KLHL24: variants seen among roughly 807,000 people sequenced by gnomAD.
KLHL24 encodes the protein kelch-like protein 24.
A neutral mutation model predicts 53.4 loss-of-function variants in KLHL24; 29 were observed. The ratio of observed to expected loss-of-function variants is 0.54; its 90% CI spans 0.40 to 0.74. KLHL24 has a LOEUF of 0.74. Ranked by LOEUF, KLHL24 falls within the 30% of genes least tolerant of loss-of-function variation. The pLI, the probability that KLHL24 is intolerant of heterozygous loss-of-function variation, is 0.00. For synonymous variants in KLHL24, 222 were observed against 253.7 expected (o/e 0.88, Z 1.19); for missense variants, 504 against 744.0 (o/e 0.68, Z 3.75).
rs1419557868 is a variant in KLHL24, at chr3:183,681,749, A to G, written c.*2463A>G. On this transcript the variant is annotated 3_prime_UTR_variant, in exon 8 of 8. Transcript: ENST00000242810. ...TTGATAAATAATAGCATTAGACTTG[A>G]TAAAATAAAAAAGAATTTTAGAGTA... 5.2e-5 allele frequency: 8 copies of G among 152,434 alleles called. No homozygotes were observed. The South Asian group carries it at 1.7e-3, about 32-fold the overall frequency. 9.4% of individuals were successfully genotyped at this position (152,434 alleles called of 1,614,324 possible).
At chr3:183,646,210 A>G (rs1018356043) in intron 2 of KLHL24, among the ~76,000 whole-genome samples, 1 of 151,936 alleles carries the variant, frequency 6.6e-6, no homozygotes, top group Non-Finnish European at 1.5e-5. Context: ...AAAAGTACAA[A>G]AATTAGCCCG....
chr3:183,670,020 GATGGCTTGAGAGTGGGAGA>G (rs1376540623), intron 5 of KLHL24, among the ~76,000 whole-genome samples: 2 of 152,184 alleles, frequency 1.3e-5, no homozygotes. Flanking sequence ...GAGGCAGGAG[GATGGCTTGAGAGTGGGAGA>G]ATGGCTTGAG....
intron 5 of KLHL24, among the ~76,000 whole-genome samples, chr3:183,665,546 C>G (rs748149545): frequency 1.3e-5 from 2 of 152,062 alleles, no homozygotes; most frequent in African/African-American, 4.8e-5. Flanking sequence ...GTCAGGAGAT[C>G]GAGACCATCC....
chr3:183,680,721 A>G lies in KLHL24; in HGVS notation c.*1435A>G, dbSNP rs180817186. 2.0e-5 allele frequency: 3 copies of G among 152,348 alleles called. No homozygotes were observed. Among genetic ancestry groups the G allele is most frequent in the East Asian group, 3.9e-4 (2 of 5,184 alleles). 9.4% of individuals were successfully genotyped at this position (152,348 alleles called of 1,614,324 possible). A position where few individuals can be genotyped will look rare whatever the true frequency, so the allele number is the denominator to read the frequency against. On this transcript the variant is annotated 3_prime_UTR_variant, in exon 8 of 8. Transcript: ENST00000242810. Reference sequence around the variant, plus strand: ...CAAATAAATGGATATGGCAGGAACTACAGCATAAGTGATTATTGTGATTCT... The same window carrying G: ...CAAATAAATGGATATGGCAGGAACTGCAGCATAAGTGATTATTGTGATTCT...
chr3:183,671,147 T>C lies in KLHL24; in HGVS notation c.1338T>C (p.Ser446=). The change falls in exon 6 of 8, where the codon TCT becomes TCC. Residue 446 remains serine (S), a synonymous_variant. Coordinates refer to ENST00000242810, the MANE Select transcript of KLHL24 (RefSeq NM_017644.3). The part of the protein sequence containing the change: ...EVAPLKEAVS[S]PAVTSCVGKL... ...CTCCCCTTAAGGAAGCCGTGAGTTC[T>C]CCTGCAGTGACTAGCTGTGTAGGCA... 1 of 1,614,152 alleles carries C rather than the reference T, an allele frequency of 6.2e-7. No homozygotes were observed. Among genetic ancestry groups the C allele is most frequent in the Non-Finnish European group, 8.5e-7 (1 of 1,180,004 alleles).
At chr3:183,643,312 ATTTACT>A (rs1232417978) in intron 1 of KLHL24, 162 bp from the exon 2 acceptor site, 1 of 152,232 alleles carries the variant, frequency 6.6e-6, no homozygotes, top group Non-Finnish European at 1.5e-5. Context: ...TAAGTTATTA[ATTTACT>A]TTAAGGAGAT....
chr3:183,637,842 A>G (rs1167902795), intron 1 of KLHL24, among the ~76,000 whole-genome samples: 1 of 152,190 alleles, frequency 6.6e-6, no homozygotes, highest in African/African-American at 2.4e-5. Context: ...TATGTTTAGT[A>G]GGGACGGGGT....
At chr3:183,649,535 A>C (rs901942037) in intron 2 of KLHL24, among the ~76,000 whole-genome samples, 1 of 152,120 alleles carries the variant, frequency 6.6e-6, no homozygotes, top group African/African-American at 2.4e-5. Flanking sequence ...AAAAAAAAAA[A>C]AGGACTTGCT....
rs1257288683 is a variant in KLHL24, at chr3:183,680,755, G to A, written c.*1469G>A. ...GTGATTATTGTGATTCTGGGTGGAC[G>A]GATATAATTTACAACATTTAGGGAT... On this transcript the variant is annotated 3_prime_UTR_variant, in exon 8 of 8. Coordinates refer to ENST00000242810, the MANE Select transcript of KLHL24 (RefSeq NM_017644.3). 6.6e-6 allele frequency: 1 copy of A among 152,018 alleles called. No individual in the cohort carries two copies. The highest frequency in any genetic ancestry group is 1.5e-5 in the Non-Finnish European group (1 of 67,992). The allele number at this position is 152,018 out of a possible 1,614,324, so 9.4% of individuals were successfully genotyped here. A position where few individuals can be genotyped will look rare whatever the true frequency, so the allele number is the denominator to read the frequency against.
At chr3:183,641,633 C>T (rs1308036850) in intron 1 of KLHL24, among the ~76,000 whole-genome samples, 5 of 152,030 alleles carry the variant, frequency 3.3e-5, no homozygotes, top group East Asian at 3.9e-4. Flanking sequence ...AATGGAGTAG[C>T]GTAGAACATA....
chr3:183,676,027 G>T (rs531725167), intron 7 of KLHL24, among the ~76,000 whole-genome samples: 1 of 152,116 alleles, frequency 6.6e-6, no homozygotes, highest in Non-Finnish European at 1.5e-5. Flanking sequence ...TAAACATTTG[G>T]ATCAGAAGTA....
Position 183,680,119 on chromosome 3 carries a change from ATTG to A in KLHL24, c.*836_*838del, listed in dbSNP as rs758762800. 5 of 152,152 alleles carry A rather than the reference ATTG, an allele frequency of 3.3e-5. No individual in the cohort carries two copies. Among genetic ancestry groups the A allele is most frequent in the Non-Finnish European group, 5.9e-5 (4 of 68,044 alleles). The allele number at this position is 152,152 out of a possible 1,614,324, so 9.4% of individuals were successfully genotyped here. A position where few individuals can be genotyped will look rare whatever the true frequency, so the allele number is the denominator to read the frequency against. On this transcript the variant is annotated 3_prime_UTR_variant, in exon 8 of 8. Coordinates refer to ENST00000242810, the MANE Select transcript of KLHL24 (RefSeq NM_017644.3). ...AAGCAGTGGAAACCCATTTTGCAAT[ATTG>A]TTTTGTGAAAAACAGGGACAGACAG... is the stretch of plus-strand genomic sequence containing the variant.
chr3:183,667,813 C>T (rs1320713894), intron 5 of KLHL24, among the ~76,000 whole-genome samples: 2 of 152,028 alleles, frequency 1.3e-5, no homozygotes, highest in African/African-American at 2.4e-5. Flanking sequence ...ACATCCTGGG[C>T]TCAAGTGATC....
chr3:183,665,609 G>A (rs150230393), intron 5 of KLHL24, among the ~76,000 whole-genome samples: 601 of 152,116 alleles, frequency 4.0e-3, no homozygotes, highest in African/African-American at 0.014. Context: ...AATAAGCTGG[G>A]GTTGGTGGCG....
At position 183,651,193 on chromosome 3, in the gene KLHL24, T is replaced by G; in HGVS notation, c.837T>G (p.Pro279=). ...TGGACCAATTGATCCAGAATTCTCC[T>G]GAGTGTTATCAGTTGTTGCATGAAG... ...VEVDQLIQNS[P]ECYQLLHEAR... The change falls in exon 3 of 8, where the codon CCT becomes CCG. Residue 279 remains proline (P), a synonymous_variant. Transcript: ENST00000242810. 1 of 1,614,228 alleles carries G rather than the reference T, an allele frequency of 6.2e-7. No homozygotes were observed. Among genetic ancestry groups the G allele is most frequent in the Non-Finnish European group, 8.5e-7 (1 of 1,180,032 alleles).
Position 183,650,576 on chromosome 3 carries a change from G to T in KLHL24, c.220G>T (p.Gly74Ter). The T allele has an allele frequency of 6.2e-7, 1 of 1,614,064 alleles. No homozygotes were observed. Among genetic ancestry groups the T allele is most frequent in the Non-Finnish European group, 8.5e-7 (1 of 1,179,946 alleles). ...CACAGATGTTATCATTTGTGTGGAAGGAAAAGAATTTCCTTGCCATAGAGC... is the reference window on the plus strand; with the variant it reads ...CACAGATGTTATCATTTGTGTGGAATGAAAAGAATTTCCTTGCCATAGAGC... Reference protein sequence around the residue: ...LFTDVIICVEGKEFPCHRAVL... With the variant: ...LFTDVIICVE Residue 74 changes from glycine (G) to a stop codon, truncating the protein, a stop_gained, in exon 3 of 8, where the codon GGA becomes TGA. Coordinates refer to ENST00000242810, the MANE Select transcript of KLHL24 (RefSeq NM_017644.3). LOFTEE classifies it high-confidence loss of function. The surrounding 1 kb of genome is among the most constrained non-coding windows in gnomAD (Gnocchi z 4.5).
intron 2 of KLHL24, among the ~76,000 whole-genome samples, chr3:183,649,508 C>T (rs575149788): frequency 6.0e-5 from 8 of 133,072 alleles, no homozygotes; most frequent in East Asian, 3.9e-4. Flanking sequence ...TGATTATTTC[C>T]TTAGGAGAGA....
intron 2 of KLHL24, among the ~76,000 whole-genome samples, chr3:183,645,004 A>G (rs1315933093): frequency 6.6e-6 from 1 of 152,244 alleles, no homozygotes; most frequent in Admixed American, 6.5e-5. Context: ...CAAAGTCACA[A>G]TCACTTGTGT....
intron 3 of KLHL24, among the ~76,000 whole-genome samples, chr3:183,660,814 T>C (rs1038463391): frequency 1.3e-5 from 2 of 151,760 alleles, no homozygotes; most frequent in African/African-American, 2.4e-5. Flanking sequence ...TACCAGCACT[T>C]TGGGAGGCCG....
Sources: gnomAD v4.1 joint callset for allele counts (sites outside exome capture counted in the v4.1 genomes callset) on GRCh38, gnomAD v4.1.1 for gene constraint, Gnocchi (gnomAD v3.1) non-coding constraint, MANE v1.5 for transcripts, NCBI Gene and HGNC (gene_info 2026-07-23, HGNC 2026-07-21) for gene names.